ANPEP: variants seen among roughly 807,000 people sequenced by gnomAD.
ANPEP encodes aminopeptidase N.
Under a neutral mutation model 114.6 loss-of-function variants are expected in ANPEP, and 70 were observed. The observed-to-expected ratio is 0.61, with a 90% CI of 0.50 to 0.75. The LOEUF is 0.75. ANPEP is among the 30% of genes least tolerant of loss of function. The probability of loss-of-function intolerance (pLI) is 0.00; values close to 1 mark genes in which losing one functional copy is unlikely to be tolerated. For missense variants in ANPEP, 1,184 were observed against 1,259.5 expected (o/e 0.94, Z 0.91); for synonymous variants, 548 against 522.3 (o/e 1.05, Z -0.67).
intron 20 of ANPEP, among the ~76,000 whole-genome samples, chr15:89,789,790 G>A (rs1210627460): frequency 3.2e-4 from 24 of 75,008 alleles, no homozygotes; most frequent in African/African-American, 5.8e-4. Context: ...AAAAAAAAAA[G>A]CTGGACGCCG....
Position 89,792,277 on chromosome 15 carries a change from C to A in ANPEP, c.2411G>T (p.Gly804Val), listed in dbSNP as rs200088948. Residue 804 changes from glycine (G) to valine (V), a missense_variant, in exon 18 of 21, where the codon GGC (glycine) becomes GTC (valine). Coordinates refer to ENST00000300060, the MANE Select transcript of ANPEP (RefSeq NM_001150.3). ...GGCGAAGTCCCACTCCTCCTCCCCG[C>A]CCTGGGCGATAGCGTTGCAGTAGAC... ...STVYCNAIAQ[G>V]GEEEWDFAWE... The A allele has an allele frequency of 3.1e-6, 5 of 1,614,240 alleles. No homozygotes were observed. The highest frequency in any genetic ancestry group is 1.3e-5 in the African/African-American group (1 of 75,066).
chr15:89,791,562 C>T (rs991774843), intron 18 of ANPEP, among the ~76,000 whole-genome samples: 14 of 151,394 alleles, frequency 9.2e-5, no homozygotes, highest in African/African-American at 2.4e-4. Flanking sequence ...CTCAGCCTCC[C>T]GGGTAGCTGG....
rs374584607 is a variant in ANPEP at position 89,792,492 on chromosome 15, C to T, written c.2320G>A (p.Gly774Ser). The part of the protein sequence containing the change: ...GVPECEEMVS[G>S]LFKQWMENPN... ...TTCTCCATCCACTGCTTGAAAAGGCCAGAGACCATCTCCTCACACTCTGGA... is the reference window on the plus strand; with the variant it reads ...TTCTCCATCCACTGCTTGAAAAGGCTAGAGACCATCTCCTCACACTCTGGA... The change falls in exon 17 of 21, where the codon GGC becomes AGC. Residue 774 changes from glycine to serine, a missense_variant. Gly to Ser is a moderately conservative substitution (Grantham distance 56, BLOSUM62 0). Transcript: ENST00000300060. 87 of 1,614,004 alleles carry T rather than the reference C, an allele frequency of 5.4e-5. No individual in the cohort carries two copies. The highest frequency in any genetic ancestry group is 6.9e-5 in the Non-Finnish European group (81 of 1,180,008).
intron 1 of ANPEP, among the ~76,000 whole-genome samples, chr15:89,810,346 T>C (rs1252884819): frequency 6.6e-6 from 1 of 151,966 alleles, no homozygotes; most frequent in Non-Finnish European, 1.5e-5. Flanking sequence ...GCCACTGTAC[T>C]CCAGCCTGGG....
chr15:89,811,561 G>C (rs565657940), intron 1 of ANPEP, among the ~76,000 whole-genome samples: 11 of 151,822 alleles, frequency 7.2e-5, no homozygotes, highest in Admixed American at 2.0e-4. Flanking sequence ...CAGGAGAATG[G>C]CATGAACCCG....
chr15:89,805,952 A>G lies in ANPEP; in HGVS notation c.614+18T>C, dbSNP rs1421636568. 1 of 1,569,454 alleles carries G rather than the reference A, an allele frequency of 6.4e-7. No individual in the cohort carries two copies. The highest frequency in any genetic ancestry group is 1.3e-5 in the African/African-American group (1 of 74,454). The stretch of plus-strand genomic sequence containing the variant: ...GCACCTCGGATCCACCCCACCGGGC[A>G]GCCCAGCCGGAACTCACTTTCTGAC... On this transcript the variant is annotated intron_variant, in intron 2 of 20. Coordinates refer to ENST00000300060, the MANE Select transcript of ANPEP (RefSeq NM_001150.3).
chr15:89,803,462 C>A lies in ANPEP; in HGVS notation c.1483G>T (p.Val495Leu). 6.2e-7 allele frequency: 1 copy of A among 1,604,900 alleles called. No homozygotes were observed. Among genetic ancestry groups the A allele is most frequent in the Non-Finnish European group, 8.5e-7 (1 of 1,176,028 alleles). ...RMLSSFLSED[V>L]FKQGLASYLH... ...CTCACCGCCAGGCCCTGCTTGAATA[C>A]GTCCTCGGACAGGAAGCTGGAGAGC... The change falls in exon 9 of 21, where the codon GTA becomes TTA. Residue 495 changes from valine (V) to leucine (L), a missense_variant. Coordinates refer to ENST00000300060, the MANE Select transcript of ANPEP (RefSeq NM_001150.3). This position sits in a 1 kb window ranked among gnomAD's most constrained non-coding sequence, Gnocchi z 4.2.
chr15:89,798,874 G>A (rs1894527341), intron 14 of ANPEP, among the ~76,000 whole-genome samples: 1 of 152,230 alleles, frequency 6.6e-6, no homozygotes, highest in South Asian at 2.1e-4. Flanking sequence ...GGGAGGTGGA[G>A]GCTGCAGTGA....
In ANPEP at chr15:89,803,072, C is replaced by G. The variant is rs1385676927; in HGVS notation, c.1569+167G>C. On this transcript the variant is annotated intron_variant, in intron 10 of 20. Transcript: ENST00000300060. The surrounding 1 kb of genome is among the most constrained non-coding windows in gnomAD (Gnocchi z 4.2). ...TCACTCAGACACCTCTTGCAAGGAGCCATCCCGGCTTCCACTATAGGGAGG... is the reference window on the plus strand; with the variant it reads ...TCACTCAGACACCTCTTGCAAGGAGGCATCCCGGCTTCCACTATAGGGAGG... Among the ~76,000 whole-genome samples, 1 of 152,180 alleles carries G rather than the reference C, an allele frequency of 6.6e-6. No homozygotes were observed. The highest frequency in any genetic ancestry group is 1.5e-5 in the Non-Finnish European group (1 of 68,018).
At position 89,799,375 on chromosome 15, in the gene ANPEP, C is replaced by G; in HGVS notation, c.1953+51G>C. ...GGCTGTGGGTGGCAGGCCTTGCAGT[C>G]TGGTGCCTGTCCTGGGGCAGGGGGC... On this transcript the variant is annotated intron_variant, in intron 13 of 20. Transcript: ENST00000300060. This position sits in a 1 kb window ranked among gnomAD's most constrained non-coding sequence, Gnocchi z 4.2. 6.2e-7 allele frequency: 1 copy of G among 1,614,126 alleles called. No individual in the cohort carries two copies. Among genetic ancestry groups the G allele is most frequent in the South Asian group, 1.1e-5 (1 of 91,080 alleles).
At chr15:89,804,986 A>G in intron 4 of ANPEP, 92 bp downstream of exon 4, 1 of 1,565,360 alleles carries the variant, frequency 6.4e-7, no homozygotes, top group Non-Finnish European at 8.7e-7. Flanking sequence ...CTGGCCTAAC[A>G]ATTCAGAAAC....
Position 89,806,606 on chromosome 15 carries a change from A to G in ANPEP, c.-23T>C. ...CATGGTGATGGTGGGGAGGCGGCTCAGGGAGCCTCAGGCCAGGCAGAGAAC... is the reference window on the plus strand; with the variant it reads ...CATGGTGATGGTGGGGAGGCGGCTCGGGGAGCCTCAGGCCAGGCAGAGAAC... On this transcript the variant is annotated 5_prime_UTR_variant, in exon 2 of 21. Transcript: ENST00000300060. The surrounding 1 kb of genome is among the most constrained non-coding windows in gnomAD (Gnocchi z 5.7). 1 of 1,552,454 alleles carries G rather than the reference A, an allele frequency of 6.4e-7. No homozygotes were observed. Among genetic ancestry groups the G allele is most frequent in the Non-Finnish European group, 8.7e-7 (1 of 1,146,948 alleles).
rs1238793112 is a variant in ANPEP, at chr15:89,791,030, G to C, written c.2592C>G (p.Ile864Met). 5 of 1,614,248 alleles carry C rather than the reference G, an allele frequency of 3.1e-6. No homozygotes were observed. The highest frequency in any genetic ancestry group is 4.2e-6 in the Non-Finnish European group (5 of 1,180,046). The change falls in exon 19 of 21, where the codon ATC becomes ATG. Residue 864 changes from isoleucine to methionine, a missense_variant. Ile to Met is a conservative substitution (Grantham distance 10, BLOSUM62 1). Transcript: ENST00000300060. ...GCCCAATGACGTTGTTGGTAATGCTGATGATGGTAGAGGTGGCGTCCTGCT... is the reference window on the plus strand; with the variant it reads ...GCCCAATGACGTTGTTGGTAATGCTCATGATGGTAGAGGTGGCGTCCTGCT... ...IRKQDATSTI[I>M]SITNNVIGQG... is the part of the protein sequence containing the mutation.
Position 89,785,167 on chromosome 15 carries a change from G to T in ANPEP, c.*182C>A, listed in dbSNP as rs2141781689. The T allele has an allele frequency of 3.8e-6, 3 of 783,846 alleles. No homozygotes were observed. Among genetic ancestry groups the T allele is most frequent in the Non-Finnish European group, 6.0e-6 (3 of 503,548 alleles). 48.6% of individuals were successfully genotyped at this position (783,846 alleles called of 1,614,324 possible). ...GGGGCAGGGGCTGGGAGGTGCTCAG[G>T]CAGCCTGGGTCATCAGGAACTAGAC... On this transcript the variant is annotated 3_prime_UTR_variant, in exon 21 of 21. Coordinates refer to ENST00000300060, the MANE Select transcript of ANPEP (RefSeq NM_001150.3).
intron 19 of ANPEP, among the ~76,000 whole-genome samples, 196 bp from the exon 20 acceptor site, chr15:89,790,737 GA>G (rs1968605122): frequency 6.6e-6 from 1 of 152,138 alleles, no homozygotes; most frequent in Non-Finnish European, 1.5e-5. Context: ...CTCTTCTGGA[GA>G]ATACGCCCAC....
chr15:89,800,953 C>T (rs1894575565), intron 12 of ANPEP, among the ~76,000 whole-genome samples, 158 bp downstream of exon 12: 1 of 152,128 alleles, frequency 6.6e-6, no homozygotes, highest in Non-Finnish European at 1.5e-5. Context: ...GGTAACTTGC[C>T]CAGAGTCACA....
rs1477604100 is a variant in ANPEP at position 89,798,532 on chromosome 15, G to T, written c.2009+728C>A. Among the ~76,000 whole-genome samples the T allele has an allele frequency of 2.6e-5, 4 of 151,632 alleles. No homozygotes were observed. The East Asian group carries it at 7.7e-4, about 29-fold the overall frequency. ...CATGCCTGTAATCCTAGCTACTCAG[G>T]AGGCCGAGAAGGGAGAATCGCTTGA... On this transcript the variant is annotated intron_variant, in intron 14 of 20. Coordinates refer to ENST00000300060, the MANE Select transcript of ANPEP (RefSeq NM_001150.3).
In ANPEP at chr15:89,803,354, C is replaced by T. The variant is rs778366169; in HGVS notation, c.1504-50G>A. The T allele has an allele frequency of 9.3e-6, 15 of 1,613,396 alleles. No individual in the cohort carries two copies. Among genetic ancestry groups the T allele is most frequent in the Non-Finnish European group, 1.3e-5 (15 of 1,179,338 alleles). On this transcript the variant is annotated intron_variant, in intron 9 of 20. Transcript: ENST00000300060. The surrounding 1 kb of genome is among the most constrained non-coding windows in gnomAD (Gnocchi z 4.2). ...GAGCACAGCTGGAGCCCCCCAGGCT[C>T]CCCCTCTGTGGTGGGCAGAGGCCCG...
intron 15 of ANPEP, 62 bp downstream of exon 15, chr15:89,797,513 A>G: frequency 4.5e-6 from 7 of 1,563,146 alleles, no homozygotes; most frequent in Non-Finnish European, 6.1e-6. Context: ...TTAACTTCCT[A>G]ATAGTGCACT....
Sources: gnomAD v4.1 joint callset for allele counts (sites outside exome capture counted in the v4.1 genomes callset) on GRCh38, gnomAD v4.1.1 for gene constraint, Gnocchi (gnomAD v3.1) non-coding constraint, MANE v1.5 for transcripts, NCBI Gene and HGNC (gene_info 2026-07-23, HGNC 2026-07-21) for gene names.